CIROZ: variants seen among roughly 807,000 people sequenced by gnomAD.
The protein encoded by CIROZ is ciliated left-right organizer protein containing ZP-N domains, also known as ciliated left-right organizer ZP-N domains-containing protein.
At chr1:10,981,132 G>C in the CIROZ span, among the ~76,000 whole-genome samples, 1 of 152,208 alleles carries the variant, frequency 6.6e-6, no homozygotes, top group Non-Finnish European at 1.5e-5. Context: ...GGGGAAAAGA[G>C]GTAGCAATTC....
the CIROZ span, among the ~76,000 whole-genome samples, chr1:10,973,956 A>ACCC: frequency 0.06 from 8,092 of 134,262 alleles, 727 homozygotes; most frequent in African/African-American, 0.2. Flanking sequence ...CCCAGGAAGG[A>ACCC]CCCCCCCCAC....
the CIROZ span, among the ~76,000 whole-genome samples, chr1:10,960,678 G>T: frequency 6.6e-6 from 1 of 152,382 alleles, no homozygotes; most frequent in Middle Eastern, 3.4e-3. The surrounding 1 kb of genome is among the most constrained non-coding windows in gnomAD (Gnocchi z 4.6). Flanking sequence ...ATCGCTGCGA[G>T]CAGGGCACGG....
At chr1:10,972,231 T>C in the CIROZ span, among the ~76,000 whole-genome samples, 2 of 152,202 alleles carry the variant, frequency 1.3e-5, no homozygotes, top group African/African-American at 4.8e-5. Context: ...CCAGAGTTGA[T>C]AGAGAGCTTA....
the CIROZ span, among the ~76,000 whole-genome samples, chr1:10,951,150 C>A: frequency 6.6e-6 from 1 of 152,146 alleles, no homozygotes; most frequent in Non-Finnish European, 1.5e-5. Context: ...AATGTGAAAA[C>A]AGGCCGGGCA....
At chr1:10,968,174 AAGT>A in the CIROZ span, among the ~76,000 whole-genome samples, 1 of 152,090 alleles carries the variant, frequency 6.6e-6, no homozygotes, top group Non-Finnish European at 1.5e-5. Context: ...ATAAATAAAT[AAGT>A]AGTTGTTGAA....
chr1:10,960,461 G>A, the CIROZ span, among the ~76,000 whole-genome samples: 3 of 152,120 alleles, frequency 2.0e-5, no homozygotes, highest in African/African-American at 4.8e-5. This position sits in a 1 kb window ranked among gnomAD's most constrained non-coding sequence, Gnocchi z 4.6. Context: ...CAGCCAAAAC[G>A]CACCGTGCCC....
At chr1:10,947,308 A>C in the CIROZ span, among the ~76,000 whole-genome samples, 1 of 152,348 alleles carries the variant, frequency 6.6e-6, no homozygotes, top group African/African-American at 2.4e-5. Flanking sequence ...TGGCAGGGCC[A>C]GGGAGAGACC....
the CIROZ span, among the ~76,000 whole-genome samples, chr1:10,980,714 C>T: frequency 6.6e-6 from 1 of 152,172 alleles, no homozygotes. Context: ...CCGTCTGATG[C>T]CTGCTCCTGT....
At chr1:10,971,270 C>G in the CIROZ span, among the ~76,000 whole-genome samples, 4 of 150,900 alleles carry the variant, frequency 2.7e-5, no homozygotes, top group African/African-American at 9.8e-5. Flanking sequence ...AGAGGCAGTG[C>G]GCAATGTCCT....
the CIROZ span, among the ~76,000 whole-genome samples, chr1:10,956,710 C>T: frequency 6.6e-6 from 1 of 152,012 alleles, no homozygotes; most frequent in Non-Finnish European, 1.5e-5. Context: ...ATCTCCTGAC[C>T]TCGTAATCCA....
the CIROZ span, among the ~76,000 whole-genome samples, chr1:10,968,244 T>C: frequency 0.044 from 6,738 of 152,314 alleles, 195 homozygotes; most frequent in Non-Finnish European, 0.063. Context: ...CAGTTTTGAT[T>C]ATCTCCTTTG....
At chr1:10,968,363 T>C in the CIROZ span, among the ~76,000 whole-genome samples, 1 of 152,200 alleles carries the variant, frequency 6.6e-6, no homozygotes, top group Non-Finnish European at 1.5e-5. Flanking sequence ...CGACTGTGCA[T>C]TTGATGGAAG....
chr1:10,951,121 T>C, the CIROZ span, among the ~76,000 whole-genome samples: 7 of 152,114 alleles, frequency 4.6e-5, no homozygotes, highest in African/African-American at 1.7e-4. Context: ...GGCATTTCCA[T>C]CAGTGAACCC....
the CIROZ span, among the ~76,000 whole-genome samples, chr1:10,974,764 C>T: frequency 1.4e-4 from 21 of 152,264 alleles, no homozygotes; most frequent in African/African-American, 5.1e-4. The surrounding 1 kb of genome is among the most constrained non-coding windows in gnomAD (Gnocchi z 4.4). Context: ...TACTGCACCC[C>T]GTACACCTCT....
the CIROZ span, among the ~76,000 whole-genome samples, chr1:10,969,770 G>A: frequency 6.7e-6 from 1 of 149,320 alleles, no homozygotes; most frequent in South Asian, 2.1e-4. Flanking sequence ...TTACTAGTGA[G>A]GAGTGCCGGG....
the CIROZ span, among the ~76,000 whole-genome samples, chr1:10,961,085 G>A: frequency 5.7e-4 from 87 of 152,360 alleles, no homozygotes; most frequent in South Asian, 2.5e-3. Flanking sequence ...TCAAGGGCAG[G>A]ACGATGGAGA....
chr1:10,953,367 G>A, the CIROZ span, among the ~76,000 whole-genome samples: 1 of 152,188 alleles, frequency 6.6e-6, no homozygotes, highest in Non-Finnish European at 1.5e-5. Flanking sequence ...TTTTGCTCCT[G>A]GTGGTTTTGC....
At chr1:10,950,000 C>T in the CIROZ span, among the ~76,000 whole-genome samples, 1 of 149,810 alleles carries the variant, frequency 6.7e-6, no homozygotes, top group African/African-American at 2.5e-5. Context: ...CACTTGGAGT[C>T]CTTTTTGAGA....
chr1:10,972,197 C>A, the CIROZ span, among the ~76,000 whole-genome samples: 1 of 152,184 alleles, frequency 6.6e-6, no homozygotes, highest in East Asian at 1.9e-4. Flanking sequence ...TGGATGTAAC[C>A]TATTTCCCCC....
Sources: gnomAD v4.1 joint callset for allele counts (sites outside exome capture counted in the v4.1 genomes callset) on GRCh38, gnomAD v4.1.1 for gene constraint, Gnocchi (gnomAD v3.1) non-coding constraint, MANE v1.5 for transcripts, NCBI Gene and HGNC (gene_info 2026-07-23, HGNC 2026-07-21) for gene names.